Variants in TPO observed in about 807,000 individuals in gnomAD.
The protein encoded by TPO is thyroid peroxidase.
In TPO, 78 loss-of-function variants were observed where a neutral mutation model predicts 96.9. That is an observed-to-expected ratio of 0.81 (90% CI 0.67 to 0.97). The LOEUF (loss-of-function observed/expected upper bound fraction) is 0.97, where lower values mean the gene tolerates loss of function less well. Among genes scored for constraint, TPO ranks in the 50% least tolerant of loss-of-function variants. The pLI, the probability that TPO is intolerant of heterozygous loss-of-function variation, is 0.00. For missense variants in TPO, 1,252 were observed against 1,274.8 expected (o/e 0.98, Z 0.27); for synonymous variants, 547 against 538.0 (o/e 1.02, Z -0.23).
chr2:1,450,845 GACAA>G, intron 5 of TPO, among the ~76,000 whole-genome samples: 1 of 152,268 alleles, frequency 6.6e-6, no homozygotes. Context: ...TTTCAATAAA[GACAA>G]ACCAACCATA....
rs772295147 is a variant in TPO at position 1,433,635 on chromosome 2, G to A, written c.349+28G>A. The A allele has an allele frequency of 1.4e-5, 22 of 1,609,496 alleles. 2 individuals are homozygous for A. The South Asian group carries it at 2.0e-4, about 15-fold the overall frequency. On this transcript the variant is annotated intron_variant, in intron 4 of 16. Transcript: ENST00000329066. ...AATGTGTGCCCCTCTCCCCACTGAG[G>A]AGCGGCAACTCCCGAAGGAGGACAC...
At chr2:1,447,274 TC>T (rs902853761) in intron 5 of TPO, among the ~76,000 whole-genome samples, 3 of 152,338 alleles carry the variant, frequency 2.0e-5, no homozygotes, top group African/African-American at 7.2e-5. Context: ...AACCTTGGTC[TC>T]CACAACCTGT....
At chr2:1,384,083 G>GT (rs1189517376) in intron 1 of TPO, among the ~76,000 whole-genome samples, 47 of 152,094 alleles carry the variant, frequency 3.1e-4, no homozygotes, top group African/African-American at 1.1e-3. Flanking sequence ...CTATATCTCT[G>GT]TTTGGTACCA....
chr2:1,478,105 C>G (rs1325402917), intron 8 of TPO: 5 of 985,354 alleles, frequency 5.1e-6, no homozygotes, highest in Admixed American at 1.2e-4. Flanking sequence ...AGAACCGACT[C>G]TGTGTGAGGA....
chr2:1,388,645 C>T (rs1049826930), intron 1 of TPO, among the ~76,000 whole-genome samples: 1 of 152,214 alleles, frequency 6.6e-6, no homozygotes, highest in Admixed American at 6.5e-5. Context: ...ATTTCCCTGA[C>T]CTCTTGCACT....
chr2:1,392,876 C>A (rs1000518162), intron 1 of TPO, among the ~76,000 whole-genome samples: 1 of 151,980 alleles, frequency 6.6e-6, no homozygotes, highest in Non-Finnish European at 1.5e-5. Context: ...CTATTTGATT[C>A]TTCTCTCTTT....
At chr2:1,456,055 C>CAATG in intron 6 of TPO, 21 bp from the exon 7 acceptor site, 1 of 1,611,464 alleles carries the variant, frequency 6.2e-7, no homozygotes, top group East Asian at 2.2e-5. Context: ...ATGTCCTGAC[C>CAATG]AATGGTCTCT....
chr2:1,402,876 G>C (rs530271190), intron 1 of TPO, among the ~76,000 whole-genome samples: 2 of 152,284 alleles, frequency 1.3e-5, no homozygotes, highest in African/African-American at 4.8e-5. Context: ...TCTTGAATTT[G>C]GAAACTGAGC....
At chr2:1,517,082 C>G in intron 15 of TPO, 100 bp downstream of exon 15, 1 of 1,239,404 alleles carries the variant, frequency 8.1e-7, no homozygotes. Context: ...GAAGCTAACA[C>G]AGGTTACTGG....
At chr2:1,407,810 A>G (rs925946230) in intron 1 of TPO, among the ~76,000 whole-genome samples, 10 of 152,256 alleles carry the variant, frequency 6.6e-5, no homozygotes, top group African/African-American at 2.4e-4. Flanking sequence ...ATCAAGGAAG[A>G]TTCCATTTCT....
At position 1,460,267 on chromosome 2, in the gene TPO, A is replaced by G. The variant is rs73172319; in HGVS notation, c.819+3985A>G. Among the ~76,000 whole-genome samples, 588 of 152,234 alleles carry G rather than the reference A, an allele frequency of 3.9e-3. 3 individuals are homozygous for G. The highest frequency in any genetic ancestry group is 0.013 in the African/African-American group (543 of 41,530). On this transcript the variant is annotated intron_variant, in intron 7 of 16. Coordinates refer to ENST00000329066, the MANE Select transcript of TPO (RefSeq NM_001206744.2). ...TTATTCTTCACCACTCAGGACCCCA[A>G]AGTTCTCATCTGTTAACATTAGAGC... is the stretch of plus-strand genomic sequence containing the variant.
intron 5 of TPO, among the ~76,000 whole-genome samples, chr2:1,440,621 C>T (rs146789621): frequency 7.2e-5 from 11 of 151,968 alleles, no homozygotes; most frequent in Non-Finnish European, 1.3e-4. Flanking sequence ...GTGGTCAGTG[C>T]CACAGGAGCT....
At chr2:1,448,611 G>A (rs1667039201) in intron 5 of TPO, among the ~76,000 whole-genome samples, 1 of 152,320 alleles carries the variant, frequency 6.6e-6, no homozygotes, top group African/African-American at 2.4e-5. Flanking sequence ...CGGACCTCTT[G>A]GCTCCTGGCC....
chr2:1,479,498 G>A (rs893969628), intron 8 of TPO, among the ~76,000 whole-genome samples: 11 of 152,208 alleles, frequency 7.2e-5, no homozygotes, highest in African/African-American at 2.7e-4. Flanking sequence ...TCCAGCCCAG[G>A]GAGCTGTGAG....
chr2:1,423,272 G>A (rs1663974435), intron 3 of TPO, 143 bp downstream of exon 3: 2 of 762,820 alleles, frequency 2.6e-6, no homozygotes, highest in South Asian at 1.5e-5. Context: ...CCAGTGTCAT[G>A]TGCAAGCAGC....
chr2:1,522,250 G>A (rs1460906213), intron 15 of TPO, among the ~76,000 whole-genome samples: 1 of 82,136 alleles, frequency 1.2e-5, no homozygotes, highest in Non-Finnish European at 2.6e-5. Flanking sequence ...ACACCTGCCC[G>A]CCACCGTGCC....
At chr2:1,492,694 G>T (rs1190201276) in intron 10 of TPO, among the ~76,000 whole-genome samples, 3 of 152,152 alleles carry the variant, frequency 2.0e-5, no homozygotes, top group Admixed American at 2.0e-4. Flanking sequence ...ACTGTCCCTG[G>T]GGGGAACCAG....
chr2:1,374,325 C>T (rs1006886734), exon 1 of TPO: 3 of 152,260 alleles, frequency 2.0e-5, no homozygotes, highest in Non-Finnish European at 2.9e-5. Flanking sequence ...CCAGCCTCAC[C>T]GTGAGACACC....
intron 15 of TPO, among the ~76,000 whole-genome samples, chr2:1,525,592 C>T (rs1676258352): frequency 2.3e-5 from 2 of 88,620 alleles, no homozygotes; most frequent in South Asian, 1.0e-3. Context: ...TCCCTATGAC[C>T]AAAACCACAA....
Sources: allele counts gnomAD v4.1 joint callset (sites outside exome capture counted in the v4.1 genomes callset), GRCh38; gene constraint gnomAD v4.1.1; transcripts MANE v1.5; gene names NCBI Gene and HGNC (gene_info 2026-07-23, HGNC 2026-07-21).